KANSL1: variants seen among roughly 807,000 people sequenced by gnomAD.
KANSL1 encodes KAT8 regulatory NSL complex subunit 1.
A neutral mutation model predicts 103.6 loss-of-function variants in KANSL1; 22 were observed. The observed-to-expected ratio is 0.21, with a 90% CI of 0.15 to 0.30. The LOEUF (loss-of-function observed/expected upper bound fraction) is 0.30. Among genes scored for constraint, KANSL1 ranks in the 10% least tolerant of loss-of-function variants. The pLI is 1.00. For missense variants in KANSL1, 1,337 were observed against 1,399.8 expected (o/e 0.96, Z 0.72); for synonymous variants, 600 against 527.6 (o/e 1.14, Z -1.88).
At chr17:46,220,356 A>G (rs1449639915) in intron 1 of KANSL1, among the ~76,000 whole-genome samples, 6 of 151,722 alleles carry the variant, frequency 4.0e-5, no homozygotes, top group African/African-American at 1.4e-4. Flanking sequence ...AGCTGCAACT[A>G]CAGGCGCCTG....
intron 2 of KANSL1, among the ~76,000 whole-genome samples, chr17:46,138,578 T>G (rs961658963): frequency 6.6e-6 from 1 of 152,260 alleles, no homozygotes; most frequent in Non-Finnish European, 1.5e-5. Context: ...GATAACTGTA[T>G]AATGCAAAGA....
intron 2 of KANSL1, among the ~76,000 whole-genome samples, chr17:46,100,095 C>A (rs1460458933): frequency 2.0e-5 from 3 of 152,196 alleles, no homozygotes; most frequent in African/African-American, 4.8e-5. Context: ...ACTATTACCA[C>A]AGAGAATTGA....
At chr17:46,182,600 T>C (rs578026687) in intron 1 of KANSL1, among the ~76,000 whole-genome samples, 1 of 152,364 alleles carries the variant, frequency 6.6e-6, no homozygotes, top group African/African-American at 2.4e-5. Flanking sequence ...GAGTGCAGGA[T>C]AGGTTATTAC....
chr17:46,126,662 G>A (rs2043573989), intron 2 of KANSL1, among the ~76,000 whole-genome samples: 1 of 152,052 alleles, frequency 6.6e-6, no homozygotes, highest in South Asian at 2.1e-4. Context: ...TGAGTTTTAG[G>A]CCTAGGTCTT....
At chr17:46,166,213 C>CCAAAAAAAAAAAA (rs1555573289) in intron 2 of KANSL1, among the ~76,000 whole-genome samples, 89 of 95,014 alleles carry the variant, frequency 9.4e-4, no homozygotes, top group Non-Finnish European at 1.3e-3. Context: ...GACTCTGTCT[C>CCAAAAAAAAAAAA]AAAAAAAAAA....
intron 2 of KANSL1, among the ~76,000 whole-genome samples, chr17:46,154,889 T>C (rs1244647129): frequency 6.6e-6 from 1 of 152,206 alleles, no homozygotes. Context: ...CTTGCTATGT[T>C]GACCACACTG....
intron 2 of KANSL1, among the ~76,000 whole-genome samples, chr17:46,142,088 C>G (rs1007866369): frequency 6.6e-6 from 1 of 152,054 alleles, no homozygotes; most frequent in African/African-American, 2.4e-5. Flanking sequence ...CAAGGTTTCA[C>G]TATATTGGTA....
Position 46,033,165 on chromosome 17 carries a change from C to T in KANSL1, c.2752G>A (p.Ala918Thr), listed in dbSNP as rs752325882. ...TCCTCACATTTGGCATGCAGGGCGG[C>T]GAAGGCTGCGTCGGATAGGTCCTCA... ...EIEDLSDAAF[A>T]ALHAKCEEME... Residue 918 changes from alanine (A) to threonine (T), a missense_variant, in exon 13 of 15, where the codon GCC becomes ACC. Transcript: ENST00000432791. 5.6e-6 allele frequency: 9 copies of T among 1,604,718 alleles called. No individual in the cohort carries two copies. The highest frequency in any genetic ancestry group is 2.2e-5 in the South Asian group (2 of 89,150).
intron 1 of KANSL1, among the ~76,000 whole-genome samples, chr17:46,176,567 T>C (rs1597887598): frequency 6.6e-6 from 1 of 152,124 alleles, no homozygotes; most frequent in African/African-American, 2.4e-5. Flanking sequence ...GGCGAGCGCC[T>C]GTAATCCCAG....
intron 7 of KANSL1, chr17:46,042,586 T>G (rs945432600): frequency 5.3e-5 from 8 of 152,190 alleles, no homozygotes; most frequent in Non-Finnish European, 8.8e-5. Context: ...TGGAGAGGAT[T>G]CTGTAGTAAA....
intron 2 of KANSL1, among the ~76,000 whole-genome samples, chr17:46,150,332 T>A (rs561634977): frequency 6.6e-6 from 1 of 152,268 alleles, no homozygotes; most frequent in South Asian, 2.1e-4. Flanking sequence ...ATCTATCCTC[T>A]AAGAAGTCTC....
rs767071377 is a variant in KANSL1, at chr17:46,172,128, G to A, written c.16C>T (p.Pro6Ser). ...TCAGCTGCTGCGTCAGTGAGAGCGG[G>A]CGCCATCGCAGCCATTCAGCACAGA... MAAMA[P>S]ALTDAAAEAH... is the part of the protein sequence containing the mutation. Residue 6 changes from proline to serine, a missense_variant, in exon 2 of 15, where the codon CCC becomes TCC. Coordinates refer to ENST00000432791, the MANE Select transcript of KANSL1 (RefSeq NM_015443.4). The A allele has an allele frequency of 1.5e-5, 24 of 1,605,882 alleles. No homozygotes were observed. Among genetic ancestry groups the A allele is most frequent in the Non-Finnish European group, 1.9e-5 (22 of 1,179,970 alleles).
chr17:46,101,027 T>G (rs567755209), intron 2 of KANSL1, among the ~76,000 whole-genome samples: 6 of 152,376 alleles, frequency 3.9e-5, no homozygotes, highest in African/African-American at 1.2e-4. Flanking sequence ...GATTATGTGC[T>G]ACTTCCAAGT....
intron 2 of KANSL1, among the ~76,000 whole-genome samples, chr17:46,135,160 A>G (rs879670554): frequency 2.9e-3 from 321 of 110,106 alleles, no homozygotes; most frequent in Middle Eastern, 5.7e-3. Context: ...TAACTTGGGG[A>G]AAAAAAAAAG....
intron 4 of KANSL1, among the ~76,000 whole-genome samples, chr17:46,071,453 C>G (rs79760930): frequency 0.029 from 4,354 of 152,220 alleles, 218 homozygotes; most frequent in African/African-American, 0.1. Context: ...TCACAGTGTT[C>G]CATTTGGAAA....
In KANSL1 at chr17:46,106,260, C is replaced by T. The variant is rs140153003; in HGVS notation, c.1290-11559G>A. Among the ~76,000 whole-genome samples the T allele has an allele frequency of 1.9e-3, 296 of 152,290 alleles. 1 individual carries two copies. The highest frequency in any genetic ancestry group is 2.7e-3 in the Non-Finnish European group (184 of 68,032). ...TACTGAGAAATCAAACAAGTTCCAACGCACAATCTCCAGGAATAATGCTCC... is the reference window on the plus strand; with the variant it reads ...TACTGAGAAATCAAACAAGTTCCAATGCACAATCTCCAGGAATAATGCTCC... On this transcript the variant is annotated intron_variant, in intron 2 of 14. Transcript: ENST00000432791.
At chr17:46,213,371 G>C (rs1444958120) in intron 1 of KANSL1, among the ~76,000 whole-genome samples, 1 of 152,084 alleles carries the variant, frequency 6.6e-6, no homozygotes, top group South Asian at 2.1e-4. Flanking sequence ...CGTGATCTCA[G>C]CTCACTGCAA....
chr17:46,200,730 A>C (rs1263426288), intron 1 of KANSL1, among the ~76,000 whole-genome samples: 1 of 151,950 alleles, frequency 6.6e-6, no homozygotes, highest in African/African-American at 2.4e-5. Flanking sequence ...CGACAGAGCG[A>C]AACTCTGTCT....
rs758071565 is a variant in KANSL1 at position 46,038,624 on chromosome 17, G to C, written c.2455C>G (p.His819Asp). 1.2e-6 allele frequency: 2 copies of C among 1,614,192 alleles called. No homozygotes were observed. Among genetic ancestry groups the C allele is most frequent in the Non-Finnish European group, 1.7e-6 (2 of 1,180,044 alleles). Residue 819 changes from histidine (H) to aspartate (D), a missense_variant, in exon 10 of 15, where the codon CAC becomes GAC. Physicochemically the swap from His to Asp is moderately conservative, Grantham distance 81. Coordinates refer to ENST00000432791, the MANE Select transcript of KANSL1 (RefSeq NM_015443.4). ...SYLAATHHPP[H>D]SPLVRQLSTS... Reference sequence around the variant, plus strand: ...GAGAGCTGTCGCACCAAGGGACTGTGTGGAGGATGGTGGGTGGCTGCCAAG... The same window carrying C: ...GAGAGCTGTCGCACCAAGGGACTGTCTGGAGGATGGTGGGTGGCTGCCAAG...
Sources: gnomAD v4.1 joint callset for allele counts (sites outside exome capture counted in the v4.1 genomes callset) on GRCh38, gnomAD v4.1.1 for gene constraint, MANE v1.5 for transcripts, NCBI Gene and HGNC (gene_info 2026-07-23, HGNC 2026-07-21) for gene names.